Variants in CRACR2A observed in about 807,000 individuals in gnomAD.
CRACR2A encodes EF-hand calcium-binding domain-containing protein 4B.
A neutral mutation model predicts 90.5 loss-of-function variants in CRACR2A; 79 were observed. The observed-to-expected ratio is 0.87, with a 90% confidence interval of 0.73 to 1.05. The LOEUF is 1.05. Among genes scored for constraint, CRACR2A ranks in the 50% least tolerant of loss-of-function variants. The probability of loss-of-function intolerance (pLI) is 0.00; values close to 1 mark genes in which losing one functional copy is unlikely to be tolerated. For missense variants in CRACR2A, 823 were observed against 897.2 expected (o/e 0.92, Z 1.06); for synonymous variants, 338 against 356.7 (o/e 0.95, Z 0.59).
chr12:3,748,244 G>T (rs1429951206), intron 1 of CRACR2A, among the ~76,000 whole-genome samples: 1 of 152,284 alleles, frequency 6.6e-6, no homozygotes, highest in East Asian at 1.9e-4. Flanking sequence ...AGCACAGATG[G>T]GGTGGGGACA....
At chr12:3,620,628 A>T (rs1200860385) in intron 17 of CRACR2A, among the ~76,000 whole-genome samples, 2 of 152,244 alleles carry the variant, frequency 1.3e-5, no homozygotes, top group African/African-American at 4.8e-5. Flanking sequence ...ATAAGCACTG[A>T]ATTATGAGAA....
chr12:3,741,541 T>G (rs774384456), intron 1 of CRACR2A, among the ~76,000 whole-genome samples: 62 of 152,224 alleles, frequency 4.1e-4, no homozygotes, highest in Non-Finnish European at 6.9e-4. Context: ...AATTCCATCC[T>G]TATAAATTCC....
At chr12:3,706,792 C>T (rs982975111) in intron 3 of CRACR2A, among the ~76,000 whole-genome samples, 5 of 151,956 alleles carry the variant, frequency 3.3e-5, no homozygotes, top group Admixed American at 2.0e-4. Flanking sequence ...TTAGTAGAGT[C>T]GGGGTTTCAC....
intron 12 of CRACR2A, among the ~76,000 whole-genome samples, chr12:3,644,343 A>C (rs545903769): frequency 6.6e-6 from 1 of 152,268 alleles, no homozygotes; most frequent in East Asian, 1.9e-4. Flanking sequence ...CATCCAAGAA[A>C]TGTGCGACCC....
At chr12:3,708,826 C>T (rs1310960699) in intron 3 of CRACR2A, among the ~76,000 whole-genome samples, 2 of 152,188 alleles carry the variant, frequency 1.3e-5, no homozygotes, top group African/African-American at 2.4e-5. Context: ...TTAATGACAA[C>T]ATTTTGTATA....
intron 10 of CRACR2A, among the ~76,000 whole-genome samples, chr12:3,653,830 C>T (rs1944844658): frequency 6.6e-6 from 1 of 152,258 alleles, no homozygotes; most frequent in Admixed American, 6.5e-5. Context: ...TAGGATCTGT[C>T]TGCTCACTCA....
chr12:3,659,517 A>G, intron 8 of CRACR2A, 47 bp downstream of exon 8: 1 of 1,549,944 alleles, frequency 6.5e-7, no homozygotes, highest in Non-Finnish European at 8.9e-7. Flanking sequence ...GACAGAGCAG[A>G]TATGTCAAGC....
intron 17 of CRACR2A, among the ~76,000 whole-genome samples, chr12:3,619,601 AG>A (rs67808215): frequency 0.58 from 88,653 of 151,940 alleles, 26,337 homozygotes; most frequent in African/African-American, 0.69. Context: ...GGTGTCTCCT[AG>A]TCCCTGTGTG....
intron 2 of CRACR2A, chr12:3,729,580 G>C (rs1396976698): frequency 2.0e-5 from 3 of 152,302 alleles, no homozygotes; most frequent in Non-Finnish European, 4.4e-5. Flanking sequence ...GTGTGCACCT[G>C]TAGTCGCAGC....
rs878993730 is a variant in CRACR2A at position 3,654,297 on chromosome 12, G to A, written c.961C>T (p.Arg321Trp). 7.4e-6 allele frequency: 12 copies of A among 1,613,804 alleles called. No homozygotes were observed. The highest frequency in any genetic ancestry group is 4.4e-5 in the South Asian group (4 of 91,082). Residue 321 changes from arginine (R) to tryptophan (W), a missense_variant, in exon 10 of 20, where the codon CGG (arginine) becomes TGG (tryptophan). Transcript: ENST00000440314. ...GCATCCTGGAGCTCCCAGGAAGTCC[G>A]CTCCAGCTCCCGGGCCAGCTCCTGG... is the stretch of plus-strand genomic sequence containing the variant. ...TNQELARELE[R>W]TSWELQDAQQ... is the part of the protein sequence containing the mutation.
At chr12:3,617,074 A>G in intron 18 of CRACR2A, 44 bp from the exon 19 acceptor site, 1 of 1,451,412 alleles carries the variant, frequency 6.9e-7, no homozygotes. Context: ...TTGGAGTGAG[A>G]GGGGATTGTG....
chr12:3,738,118 A>C (rs1157274411), intron 1 of CRACR2A, among the ~76,000 whole-genome samples: 1 of 152,198 alleles, frequency 6.6e-6, no homozygotes, highest in African/African-American at 2.4e-5. Context: ...GCCAATCTCC[A>C]TCTGATCAGT....
intron 5 of CRACR2A, 135 bp downstream of exon 5, chr12:3,680,103 G>A (rs1242864186): frequency 2.2e-5 from 14 of 648,906 alleles, no homozygotes; most frequent in South Asian, 1.2e-4. Context: ...TGGAGACCTT[G>A]AGCTCCAGGT....
Position 3,724,349 on chromosome 12 carries a change from C to T in CRACR2A, c.-118+8593G>A, listed in dbSNP as rs373065570. Among the ~76,000 whole-genome samples the T allele has an allele frequency of 2.7e-4, 41 of 152,308 alleles. 1 individual carries two copies. The highest frequency in any genetic ancestry group is 6.5e-4 in the African/African-American group (27 of 41,560). On this transcript the variant is annotated intron_variant, in intron 2 of 19. Coordinates refer to ENST00000440314, the MANE Select transcript of CRACR2A (RefSeq NM_001144958.2). ...CTGCTGAGCCAGCCAGAGAAGTCAGCGAGGACTCTGCTTTCATGGGCATTG... is the reference window on the plus strand; with the variant it reads ...CTGCTGAGCCAGCCAGAGAAGTCAGTGAGGACTCTGCTTTCATGGGCATTG...
At chr12:3,646,620 A>T (rs767342131) in intron 11 of CRACR2A, among the ~76,000 whole-genome samples, 29 of 152,168 alleles carry the variant, frequency 1.9e-4, no homozygotes, top group Non-Finnish European at 4.0e-4. Flanking sequence ...ATAAGTCAGG[A>T]GGGACATGGA....
rs749409911 is a variant in CRACR2A at position 3,640,680 on chromosome 12, T to A, written c.1271+1052A>T. On this transcript the variant is annotated intron_variant, in intron 13 of 19. Coordinates refer to ENST00000440314, the MANE Select transcript of CRACR2A (RefSeq NM_001144958.2). The stretch of plus-strand genomic sequence containing the variant: ...AGCTGATTTACATCTCCAGAGTCAC[T>A]TCCGCTTTGCATATCTTTTTCATTT... 3.1e-6 allele frequency: 4 copies of A among 1,305,426 alleles called. No individual in the cohort carries two copies. In the South Asian group the frequency reaches 4.9e-5, roughly 16 times the overall value. The allele number at this position is 1,305,426 out of a possible 1,614,324, so 80.9% of individuals were successfully genotyped here. A position where few individuals can be genotyped will look rare whatever the true frequency, so the allele number is the denominator to read the frequency against.
chr12:3,699,675 T>G lies in CRACR2A; in HGVS notation c.-36-2640A>C, dbSNP rs572424763. 3.2e-4 allele frequency among the ~76,000 whole-genome samples: 48 copies of G among 152,266 alleles called. 1 individual carries two copies. The South Asian group carries it at 9.3e-3, about 30-fold the overall frequency. On this transcript the variant is annotated intron_variant, in intron 3 of 19. Coordinates refer to ENST00000440314, the MANE Select transcript of CRACR2A (RefSeq NM_001144958.2). ...CCTCTGCCCACCTGGTAACAACAGG[T>G]GATGCATGACATGAAAGAATCAACT...
chr12:3,648,029 T>C, intron 11 of CRACR2A: 2 of 986,560 alleles, frequency 2.0e-6, no homozygotes, highest in Non-Finnish European at 2.4e-6. Context: ...CATTTACTCA[T>C]TCAACAAACA....
At chr12:3,626,609 T>G (rs559236266) in intron 17 of CRACR2A, among the ~76,000 whole-genome samples, 18 of 152,272 alleles carry the variant, frequency 1.2e-4, no homozygotes, top group Non-Finnish European at 2.2e-4. Context: ...TTTGAACAAA[T>G]ACGTGAACAA....
Sources: gnomAD v4.1 joint callset for allele counts (sites outside exome capture counted in the v4.1 genomes callset) on GRCh38, gnomAD v4.1.1 for gene constraint, MANE v1.5 for transcripts, NCBI Gene and HGNC (gene_info 2026-07-23, HGNC 2026-07-21) for gene names.